The following CSMD3 variants were observed in gnomAD, a reference collection of about 807,000 sequenced individuals.
The protein encoded by CSMD3 is CUB and Sushi multiple domains 3.
Under a neutral mutation model 435.2 loss-of-function variants are expected in CSMD3, and 177 were observed. The observed-to-expected ratio is 0.41, with a 90% CI of 0.36 to 0.46. CSMD3 has a LOEUF of 0.46. CSMD3 is among the 20% of genes least tolerant of loss of function. The pLI, the probability that CSMD3 is intolerant of heterozygous loss-of-function variation, is 0.34. For synonymous variants in CSMD3, 1,656 were observed against 1,520.5 expected (o/e 1.09, Z -2.07); for missense variants, 4,265 against 4,504.6 (o/e 0.95, Z 1.52).
intron 10 of CSMD3, among the ~76,000 whole-genome samples, chr8:112,887,944 A>G (rs939667263): frequency 6.6e-6 from 1 of 151,716 alleles, no homozygotes; most frequent in Admixed American, 6.6e-5. Flanking sequence ...GAAGCTGTCC[A>G]ACATTATTAC....
intron 1 of CSMD3, among the ~76,000 whole-genome samples, chr8:113,375,594 A>C (rs1340394059): frequency 6.6e-6 from 1 of 151,968 alleles, no homozygotes; most frequent in East Asian, 1.9e-4. Flanking sequence ...TACGAACAGC[A>C]TTGAAATATG....
intron 5 of CSMD3, among the ~76,000 whole-genome samples, chr8:113,077,837 CA>C (rs2089408209): frequency 6.6e-6 from 1 of 151,864 alleles, no homozygotes; most frequent in Admixed American, 6.6e-5. Context: ...TCTAATGAAA[CA>C]GTATGAAAAT....
At chr8:112,990,900 A>T (rs1385053300) in intron 6 of CSMD3, among the ~76,000 whole-genome samples, 1 of 151,838 alleles carries the variant, frequency 6.6e-6, no homozygotes, top group African/African-American at 2.4e-5. Context: ...TGTGTTTCTT[A>T]AAAGAAAAGA....
Position 112,832,350 on chromosome 8 carries a change from G to T in CSMD3, c.1756-2561C>A, listed in dbSNP as rs200471974. On this transcript the variant is annotated intron_variant, in intron 11 of 70. Transcript: ENST00000297405. ...GATTAGTTTATATTATATGGAAAAG[G>T]TGAAGGAATATTAAAGATGTGTAAT... Among the ~76,000 whole-genome samples, 8 of 152,226 alleles carry T rather than the reference G, an allele frequency of 5.3e-5. No individual in the cohort carries two copies. In the East Asian group the frequency reaches 1.5e-3, roughly 29 times the overall value.
At chr8:112,579,070 TA>T (rs1278575012) in intron 23 of CSMD3, among the ~76,000 whole-genome samples, 1 of 152,038 alleles carries the variant, frequency 6.6e-6, no homozygotes, top group Non-Finnish European at 1.5e-5. Flanking sequence ...ATTTCCTAAA[TA>T]AATACTGCTT....
chr8:113,075,776 T>C lies in CSMD3; in HGVS notation c.917+22980A>G, dbSNP rs372429299. Reference sequence around the variant, plus strand: ...TGATAAATGTTGATATTGACCCTTATAGGAAAGCAAATAATAGATGAAAAA... The same window carrying C: ...TGATAAATGTTGATATTGACCCTTACAGGAAAGCAAATAATAGATGAAAAA... On this transcript the variant is annotated intron_variant, in intron 5 of 70. Coordinates refer to ENST00000297405, the MANE Select transcript of CSMD3 (RefSeq NM_198123.2). 9.9e-5 allele frequency among the ~76,000 whole-genome samples: 15 copies of C among 151,846 alleles called. No homozygotes were observed. The East Asian group carries it at 2.7e-3, about 27-fold the overall frequency.
rs183293596 is a variant in CSMD3 at position 113,054,960 on chromosome 8, G to A, written c.918-35781C>T. ...TAACCTATTCTGTAAGAACCTCCCTGACTGCTACATTTAAAATGTTATCTA... is the reference window on the plus strand; with the variant it reads ...TAACCTATTCTGTAAGAACCTCCCTAACTGCTACATTTAAAATGTTATCTA... On this transcript the variant is annotated intron_variant, in intron 5 of 70. Transcript: ENST00000297405. Among the ~76,000 whole-genome samples, 7 of 152,092 alleles carry A rather than the reference G, an allele frequency of 4.6e-5. No homozygotes were observed. The East Asian group carries it at 1.4e-3, about 29-fold the overall frequency.
At position 113,173,867 on chromosome 8, in the gene CSMD3, T is replaced by C. The variant is rs992148063; in HGVS notation, c.564A>G (p.Val188=). Residue 188 remains valine (V), a synonymous_variant, in exon 4 of 71, where the codon GTA becomes GTG. Coordinates refer to ENST00000297405, the MANE Select transcript of CSMD3 (RefSeq NM_198123.2). ...CGNPGVPPKG[V]LYGTRFDVGD... is the part of the protein sequence containing the mutation. ...CGACGTCGAATCTTGTGCCATATAA[T>C]ACACCTTTGGGTGGAACACCAGGAT... 1.2e-6 allele frequency: 2 copies of C among 1,613,774 alleles called. No homozygotes were observed. The highest frequency in any genetic ancestry group is 1.7e-6 in the Non-Finnish European group (2 of 1,179,872).
At chr8:112,615,715 T>C (rs1833613679) in intron 22 of CSMD3, among the ~76,000 whole-genome samples, 1 of 152,082 alleles carries the variant, frequency 6.6e-6, no homozygotes, top group Admixed American at 6.6e-5. Flanking sequence ...AAAAGAGTTC[T>C]GGTATTCTGG....
chr8:112,506,193 G>T lies in CSMD3; in HGVS notation c.4895+498C>A, dbSNP rs570980640. ...ATTTACAATTATGCTAAATTTTTAT[G>T]AGTTCAAATTATCTTTACTTAGGAA... On this transcript the variant is annotated intron_variant, in intron 29 of 70. Transcript: ENST00000297405. Among the ~76,000 whole-genome samples, 25 of 152,020 alleles carry T rather than the reference G, an allele frequency of 1.6e-4. 1 individual carries two copies. Among genetic ancestry groups the T allele is most frequent in the Non-Finnish European group, 3.4e-4 (23 of 67,966 alleles).
At chr8:113,074,988 T>G (rs1240710616) in intron 5 of CSMD3, among the ~76,000 whole-genome samples, 1 of 151,700 alleles carries the variant, frequency 6.6e-6, no homozygotes, top group Admixed American at 6.6e-5. Context: ...TTAATTATAA[T>G]TTATGATAAT....
intron 31 of CSMD3, among the ~76,000 whole-genome samples, chr8:112,480,106 A>G (rs1193857479): frequency 6.6e-6 from 1 of 152,246 alleles, no homozygotes; most frequent in Non-Finnish European, 1.5e-5. Flanking sequence ...TGGGACATGG[A>G]GTGAAAGAAG....
At chr8:112,740,675 T>A (rs1019766151) in intron 13 of CSMD3, among the ~76,000 whole-genome samples, 1 of 151,906 alleles carries the variant, frequency 6.6e-6, no homozygotes, top group Admixed American at 6.6e-5. Flanking sequence ...AGGTAGGGGT[T>A]ACCCAAGAAA....
At chr8:112,422,283 A>G (rs2130294709) in intron 32 of CSMD3, among the ~76,000 whole-genome samples, 1 of 152,280 alleles carries the variant, frequency 6.6e-6, no homozygotes, top group South Asian at 2.1e-4. Context: ...CCAAATTATT[A>G]TTTAGTCATC....
chr8:113,320,013 A>G (rs891249723), intron 1 of CSMD3, among the ~76,000 whole-genome samples: 1 of 152,050 alleles, frequency 6.6e-6, no homozygotes, highest in Non-Finnish European at 1.5e-5. Flanking sequence ...AACATTGTCC[A>G]AGCTCATCTT....
At chr8:112,500,904 T>TAGG (rs71566030) in intron 30 of CSMD3, among the ~76,000 whole-genome samples, 1 of 151,654 alleles carries the variant, frequency 6.6e-6, no homozygotes, top group Non-Finnish European at 1.5e-5. Flanking sequence ...TCCTTTTGCA[T>TAGG]AAGATTAGGG....
chr8:112,790,675 A>G (rs919606512), intron 13 of CSMD3, among the ~76,000 whole-genome samples: 5 of 152,186 alleles, frequency 3.3e-5, no homozygotes, highest in African/African-American at 1.2e-4. Flanking sequence ...GAGAAAAAAA[A>G]GAACAAACCT....
At chr8:113,211,635 G>A (rs1045806515) in intron 3 of CSMD3, among the ~76,000 whole-genome samples, 1 of 152,064 alleles carries the variant, frequency 6.6e-6, no homozygotes, top group Non-Finnish European at 1.5e-5. Flanking sequence ...GTTGCAGTGA[G>A]CCGAGATCGC....
At chr8:112,989,956 T>C (rs2085391667) in intron 6 of CSMD3, among the ~76,000 whole-genome samples, 1 of 151,908 alleles carries the variant, frequency 6.6e-6, no homozygotes, top group Non-Finnish European at 1.5e-5. Flanking sequence ...CTTGTTCTTG[T>C]GGTAGTGAAT....
Sources: gnomAD v4.1 joint callset for allele counts (sites outside exome capture counted in the v4.1 genomes callset) on GRCh38, gnomAD v4.1.1 for gene constraint, MANE v1.5 for transcripts, NCBI Gene and HGNC (gene_info 2026-07-23, HGNC 2026-07-21) for gene names.